The following PLXDC2 variants were observed in gnomAD, a reference collection of about 807,000 sequenced individuals.
PLXDC2 encodes plexin domain-containing protein 2.
PLXDC2 carries 40 observed loss-of-function variants against 68.9 expected under a neutral mutation model. The ratio of observed to expected loss-of-function variants is 0.58; its 90% CI spans 0.45 to 0.76. The LOEUF (loss-of-function observed/expected upper bound fraction) is 0.76. Ranked by LOEUF, PLXDC2 falls within the 30% of genes least tolerant of loss-of-function variation. The probability of loss-of-function intolerance (pLI) is 0.00; values close to 1 mark genes in which losing one functional copy is unlikely to be tolerated. For missense variants in PLXDC2, 644 were observed against 661.9 expected, an observed-to-expected ratio of 0.97 and a Z score of 0.30; for synonymous variants, 243 against 234.2, an observed-to-expected ratio of 1.04 and a Z score of -0.34.
chr10:20,109,239 AG>A, intron 4 of PLXDC2, among the ~76,000 whole-genome samples: 1 of 152,222 alleles, frequency 6.6e-6, no homozygotes, highest in African/African-American at 2.4e-5. Flanking sequence ...TCTTGTTGCC[AG>A]GAGGCATTTA....
At chr10:20,238,149 A>C (rs1835458469) in intron 12 of PLXDC2, among the ~76,000 whole-genome samples, 1 of 150,050 alleles carries the variant, frequency 6.7e-6, no homozygotes, top group Admixed American at 6.7e-5. Context: ...AAAATAAATA[A>C]ATATATATAT....
chr10:19,956,841 T>C (rs1330914355), intron 1 of PLXDC2, among the ~76,000 whole-genome samples: 3 of 152,232 alleles, frequency 2.0e-5, no homozygotes, highest in East Asian at 1.9e-4. Flanking sequence ...GGAATGTGTA[T>C]GACTAATGCC....
intron 1 of PLXDC2, among the ~76,000 whole-genome samples, chr10:19,948,187 G>A (rs1833934478): frequency 6.6e-6 from 1 of 152,072 alleles, no homozygotes; most frequent in Non-Finnish European, 1.5e-5. Flanking sequence ...TTATGTAGTA[G>A]AGGCTCCAGA....
chr10:20,197,186 C>T (rs759988476), intron 9 of PLXDC2, among the ~76,000 whole-genome samples: 4 of 152,068 alleles, frequency 2.6e-5, no homozygotes, highest in Non-Finnish European at 5.9e-5. Flanking sequence ...AATTATATAA[C>T]AATAAATATA....
chr10:19,951,975 G>A (rs1326056072), intron 1 of PLXDC2, among the ~76,000 whole-genome samples: 2 of 152,026 alleles, frequency 1.3e-5, no homozygotes, highest in African/African-American at 2.4e-5. Flanking sequence ...GATGGCAACA[G>A]TAGACACAGG....
At chr10:20,017,318 C>T (rs182293208) in intron 2 of PLXDC2, among the ~76,000 whole-genome samples, 1 of 152,234 alleles carries the variant, frequency 6.6e-6, no homozygotes, top group Admixed American at 6.5e-5. Flanking sequence ...AACATGGGAC[C>T]CTTCCAGGGT....
chr10:20,080,432 G>T (rs921274791), intron 4 of PLXDC2, among the ~76,000 whole-genome samples: 1 of 152,188 alleles, frequency 6.6e-6, no homozygotes, highest in Non-Finnish European at 1.5e-5. Context: ...AGCCAACAGT[G>T]TAGTCTTCAT....
rs532168146 is a variant in PLXDC2, at chr10:20,106,986, A to G, written c.542-36309A>G. 1.9e-4 allele frequency among the ~76,000 whole-genome samples: 28 copies of G among 150,020 alleles called. No individual in the cohort carries two copies. In the South Asian group the frequency reaches 5.6e-3, roughly 30 times the overall value. On this transcript the variant is annotated intron_variant, in intron 4 of 13. Transcript: ENST00000377252. ...AAAACTCTAAACTCCTTTATCCTTT[A>G]TATTTTATGTAGGGGACATGTAGTG... is the stretch of plus-strand genomic sequence containing the variant.
rs529364209 is a variant in PLXDC2 at position 20,075,653 on chromosome 10, G to C, written c.541+7414G>C. Reference sequence around the variant, plus strand: ...AGACCCAGAGAGAAAGCACCCAGGAGCAAGAGTTGACTCAATAGGAATCAG... The same window carrying C: ...AGACCCAGAGAGAAAGCACCCAGGACCAAGAGTTGACTCAATAGGAATCAG... On this transcript the variant is annotated intron_variant, in intron 4 of 13. Coordinates refer to ENST00000377252, the MANE Select transcript of PLXDC2 (RefSeq NM_032812.9). 4.3e-4 allele frequency among the ~76,000 whole-genome samples: 66 copies of C among 152,278 alleles called. 1 individual carries two copies. The South Asian group carries it at 0.013, about 30-fold the overall frequency.
chr10:19,967,791 A>G (rs1279227160), intron 1 of PLXDC2, among the ~76,000 whole-genome samples: 2 of 152,218 alleles, frequency 1.3e-5, no homozygotes, highest in Non-Finnish European at 2.9e-5. Flanking sequence ...TCAAAAGTGA[A>G]TGTAGCATTA....
chr10:19,962,471 C>G (rs905567703), intron 1 of PLXDC2, among the ~76,000 whole-genome samples: 2 of 143,932 alleles, frequency 1.4e-5, no homozygotes, highest in Non-Finnish European at 3.0e-5. Context: ...GCTCACTGCA[C>G]GCTCCGCCTC....
intron 13 of PLXDC2, among the ~76,000 whole-genome samples, chr10:20,270,220 A>G (rs1472145309): frequency 6.6e-6 from 1 of 152,090 alleles, no homozygotes; most frequent in Non-Finnish European, 1.5e-5. Context: ...GAATGAGGCT[A>G]ATACAGGAGC....
chr10:20,240,803 A>G (rs761817371), intron 12 of PLXDC2, among the ~76,000 whole-genome samples: 11 of 152,000 alleles, frequency 7.2e-5, no homozygotes, highest in Non-Finnish European at 1.0e-4. Flanking sequence ...CTCCATTCAG[A>G]TGGTCACTCT....
At chr10:19,975,063 C>A (rs1051456140) in intron 1 of PLXDC2, among the ~76,000 whole-genome samples, 4 of 152,134 alleles carry the variant, frequency 2.6e-5, no homozygotes, top group African/African-American at 9.7e-5. Flanking sequence ...GTTTTCACTT[C>A]TTTTTAGCTA....
rs1564308511 is a variant in PLXDC2 at position 20,082,061 on chromosome 10, AAT to A, written c.541+13823_541+13824del. Reference sequence around the variant, plus strand: ...ACTCCATCTGAAAAAAAAAAAAAAAAATCAAAAAAAAAAAACAGGAGAAGTCT... The same window carrying A: ...ACTCCATCTGAAAAAAAAAAAAAAAACAAAAAAAAAAAACAGGAGAAGTCT... On this transcript the variant is annotated intron_variant, in intron 4 of 13. Coordinates refer to ENST00000377252, the MANE Select transcript of PLXDC2 (RefSeq NM_032812.9). Among the ~76,000 whole-genome samples, 8 of 133,900 alleles carry A rather than the reference AAT, an allele frequency of 6.0e-5. 1 individual carries two copies. Among genetic ancestry groups the A allele is most frequent in the Non-Finnish European group, 1.1e-4 (7 of 62,456 alleles). 87.8% of individuals were successfully genotyped at this position (133,900 alleles called of 152,430 possible). A position where few individuals can be genotyped will look rare whatever the true frequency, so the allele number is the denominator to read the frequency against.
chr10:20,174,551 C>T lies in PLXDC2; in HGVS notation c.884-2448C>T, dbSNP rs964131000. On this transcript the variant is annotated intron_variant, in intron 7 of 13. Coordinates refer to ENST00000377252, the MANE Select transcript of PLXDC2 (RefSeq NM_032812.9). ...CCAAAAGGGTTTGCTTCGACCCTTT[C>T]TCCACCCCTTCTGCAGTATAATGTC... Among the ~76,000 whole-genome samples, 3 of 152,154 alleles carry T rather than the reference C, an allele frequency of 2.0e-5. No individual in the cohort carries two copies. The East Asian group carries it at 5.8e-4, about 29-fold the overall frequency.
intron 2 of PLXDC2, among the ~76,000 whole-genome samples, chr10:20,003,510 G>C (rs1006742163): frequency 6.6e-6 from 1 of 152,128 alleles, no homozygotes; most frequent in African/African-American, 2.4e-5. Context: ...TCGGCTCACT[G>C]CAACCTCTGC....
chr10:20,268,116 C>T (rs1160925707), intron 13 of PLXDC2, among the ~76,000 whole-genome samples: 1 of 152,154 alleles, frequency 6.6e-6, no homozygotes, highest in Admixed American at 6.6e-5. Flanking sequence ...AAAGCCTCTA[C>T]AATTGATCCT....
rs1253492022 is a variant in PLXDC2 at position 20,284,972 on chromosome 10, A to C, written c.*5153A>C. 6.6e-6 allele frequency: 1 copy of C among 151,518 alleles called. No homozygotes were observed. The highest frequency in any genetic ancestry group is 1.5e-5 in the Non-Finnish European group (1 of 67,902). 9.4% of individuals were successfully genotyped at this position (151,518 alleles called of 1,614,324 possible). ...GGTGTTTTCAATTTCTCCTCTCTCCACCCCTGCCCCCATCTGTGGCCATCT... is the reference window on the plus strand; with the variant it reads ...GGTGTTTTCAATTTCTCCTCTCTCCCCCCCTGCCCCCATCTGTGGCCATCT... On this transcript the variant is annotated 3_prime_UTR_variant, in exon 14 of 14. Coordinates refer to ENST00000377252, the MANE Select transcript of PLXDC2 (RefSeq NM_032812.9).
Sources: gnomAD v4.1 joint callset for allele counts (sites outside exome capture counted in the v4.1 genomes callset) on GRCh38, gnomAD v4.1.1 for gene constraint, MANE v1.5 for transcripts, NCBI Gene and HGNC (gene_info 2026-07-23, HGNC 2026-07-21) for gene names.